Variants in TAPT1 observed in about 807,000 individuals in gnomAD.
TAPT1 encodes transmembrane anterior posterior transformation 1, also known as transmembrane anterior posterior transformation protein 1 homolog.
In TAPT1, 28 loss-of-function variants were observed where a neutral mutation model predicts 65.6. That is an observed-to-expected ratio of 0.43 (90% CI 0.32 to 0.59). The LOEUF is 0.59. Among genes scored for constraint, TAPT1 ranks in the 20% least tolerant of loss-of-function variants. The pLI is 0.09. For synonymous variants in TAPT1, 278 were observed against 245.2 expected, an observed-to-expected ratio of 1.13 and a Z score of -1.25; for missense variants, 563 against 679.9, an observed-to-expected ratio of 0.83 and a Z score of 1.91.
At chr4:16,188,990 A>G (rs1749190663) in intron 4 of TAPT1, among the ~76,000 whole-genome samples, 1 of 152,160 alleles carries the variant, frequency 6.6e-6, no homozygotes, top group African/African-American at 2.4e-5. Flanking sequence ...TTTAAATTCA[A>G]ACTCAGGATT....
intron 3 of TAPT1, among the ~76,000 whole-genome samples, chr4:16,194,859 GTCTTCT>G (rs71649940): frequency 0.11 from 16,016 of 146,916 alleles, 2,383 homozygotes; most frequent in African/African-American, 0.32. Context: ...CTTGATTTCT[GTCTTCT>G]TCTTCTTCTT....
At chr4:16,186,726 T>C (rs895774412) in intron 6 of TAPT1, 55 bp downstream of exon 6, 25 of 1,429,400 alleles carry the variant, frequency 1.7e-5, no homozygotes, top group South Asian at 3.5e-5. Context: ...ACCCAGAGTA[T>C]TGCAGCTGAA....
At chr4:16,179,721 ATAATT>A (rs1162763538) in intron 7 of TAPT1, 64 bp from the exon 8 acceptor site, 11 of 807,078 alleles carry the variant, frequency 1.4e-5, no homozygotes, top group Non-Finnish European at 2.1e-5. Context: ...AAGTACATAT[ATAATT>A]ATTTTAGCCA....
chr4:16,212,118 G>A (rs1750681946), intron 2 of TAPT1, among the ~76,000 whole-genome samples: 1 of 152,168 alleles, frequency 6.6e-6, no homozygotes, highest in African/African-American at 2.4e-5. Context: ...GTAATAAAAG[G>A]GGTGAGACAG....
intron 3 of TAPT1, among the ~76,000 whole-genome samples, chr4:16,197,429 C>A (rs1325885983): frequency 6.6e-6 from 1 of 152,158 alleles, no homozygotes; most frequent in Admixed American, 6.6e-5. Flanking sequence ...TATCATTTTT[C>A]TCTACAATCT....
intron 3 of TAPT1, chr4:16,196,733 G>A (rs757922536): frequency 1.7e-4 from 218 of 1,273,920 alleles, no homozygotes; most frequent in Non-Finnish European, 2.1e-4. Flanking sequence ...TCTGATTTAC[G>A]AGAGAGAAAG....
At chr4:16,217,910 C>G (rs1751033098) in intron 1 of TAPT1, among the ~76,000 whole-genome samples, 1 of 152,168 alleles carries the variant, frequency 6.6e-6, no homozygotes, top group Admixed American at 6.5e-5. Flanking sequence ...GAACCTCAAA[C>G]CCCCTGAGGG....
rs770743628 is a variant in TAPT1, at chr4:16,213,894, A to G, written c.204T>C (p.Leu68=). 9 of 1,588,688 alleles carry G rather than the reference A, an allele frequency of 5.7e-6. No individual in the cohort carries two copies. In the South Asian group the frequency reaches 9.3e-5, roughly 16 times the overall value. The change falls in exon 2 of 14, where the codon CTT becomes CTC. Residue 68 remains leucine, a synonymous_variant. Transcript: ENST00000405303. Reference sequence around the variant, plus strand: ...CAGCACTGAGGAACCTCAACAATGAAAGCTCTACAGAAAAGAAAATGACAG... The same window carrying G: ...CAGCACTGAGGAACCTCAACAATGAGAGCTCTACAGAAAAGAAAATGACAG... ...RRERRRGRTE[L]SLLRFLSAEL...
At chr4:16,220,231 C>T (rs921982453) in intron 1 of TAPT1, among the ~76,000 whole-genome samples, 2 of 152,184 alleles carry the variant, frequency 1.3e-5, no homozygotes, top group Non-Finnish European at 2.9e-5. Flanking sequence ...TGTTCTTTAC[C>T]TATGGGTATC....
intron 3 of TAPT1, among the ~76,000 whole-genome samples, chr4:16,194,323 T>C (rs775712800): frequency 5.3e-5 from 8 of 152,198 alleles, no homozygotes; most frequent in Non-Finnish European, 1.0e-4. Flanking sequence ...ATAATCCTAT[T>C]TATTTAATCA....
At position 16,226,429 on chromosome 4, in the gene TAPT1, G is replaced by T. The variant is rs1193091078; in HGVS notation, c.29C>A (p.Pro10Gln). The T allele has an allele frequency of 4.1e-5, 44 of 1,079,344 alleles. No homozygotes were observed. The highest frequency in any genetic ancestry group is 4.7e-5 in the Non-Finnish European group (42 of 892,312). The allele number at this position is 1,079,344 out of a possible 1,614,324, so 66.9% of individuals were successfully genotyped here. ...CACGCCGCCACCGCCGCCTTCTCCC[G>T]GAGCGGCCGCGTCGCCGACGCCCGC... Reference protein sequence around the residue: MAGVGDAAAPGEGGGGGVDG... With the variant: MAGVGDAAAQGEGGGGGVDG... Residue 10 changes from proline to glutamine, a missense_variant, in exon 1 of 14, where the codon CCG becomes CAG. By Grantham distance (76) the Pro-to-Gln change is moderately conservative. Transcript: ENST00000405303.
At chr4:16,194,680 C>T (rs562517085) in intron 3 of TAPT1, among the ~76,000 whole-genome samples, 81 of 152,068 alleles carry the variant, frequency 5.3e-4, no homozygotes, top group African/African-American at 1.9e-3. Flanking sequence ...GATATATATA[C>T]GATATACACA....
chr4:16,172,818 TTTGTTTTTG>T (rs576299589), intron 11 of TAPT1, among the ~76,000 whole-genome samples: 52 of 152,016 alleles, frequency 3.4e-4, no homozygotes, highest in African/African-American at 1.2e-3. Flanking sequence ...TTTGTTTTGT[TTTGTTTTTG>T]TTGTTTTTTT....
intron 2 of TAPT1, among the ~76,000 whole-genome samples, chr4:16,206,598 C>T (rs1560181317): frequency 6.6e-6 from 1 of 151,780 alleles, no homozygotes; most frequent in Non-Finnish European, 1.5e-5. Flanking sequence ...AGGATGAGAT[C>T]GACTTTCTAG....
At chr4:16,226,496 AGCCTCTGCCTCCG>A (rs1369019853), upstream of TAPT1, 5 of 1,025,900 alleles carry the variant, frequency 4.9e-6, no homozygotes, top group East Asian at 8.6e-5. Context: ...GCCTCCCTCC[AGCCTCTGCCTCCG>A]GCCGGCCCCC....
chr4:16,227,225 A>G, upstream of TAPT1: 1 of 455,246 alleles, frequency 2.2e-6, no homozygotes, highest in Non-Finnish European at 4.4e-6. Context: ...CAGAGTTTCA[A>G]GGGCTGGCGC....
intron 9 of TAPT1, 129 bp from the exon 10 acceptor site, chr4:16,174,858 T>C (rs1267271337): frequency 1.7e-6 from 1 of 597,638 alleles, no homozygotes; most frequent in African/African-American, 1.9e-5. Flanking sequence ...AGCTGACATC[T>C]GGGCATAATT....
At chr4:16,221,237 CT>C (rs1751238421) in intron 1 of TAPT1, among the ~76,000 whole-genome samples, 1 of 152,118 alleles carries the variant, frequency 6.6e-6, no homozygotes. Flanking sequence ...AGCAATTCCC[CT>C]GGCTCAGCCT....
At chr4:16,183,017 A>G (rs914988601) in intron 7 of TAPT1, 7 of 152,250 alleles carry the variant, frequency 4.6e-5, no homozygotes, top group Non-Finnish European at 7.3e-5. Context: ...GAAAATTCAT[A>G]AGAAAAAAAT....
Sources: allele counts gnomAD v4.1 joint callset (sites outside exome capture counted in the v4.1 genomes callset), GRCh38; gene constraint gnomAD v4.1.1; transcripts MANE v1.5; gene names NCBI Gene and HGNC (gene_info 2026-07-23, HGNC 2026-07-21).